The following GLCCI1 variants were observed in gnomAD, a reference collection of about 807,000 sequenced individuals.
GLCCI1 encodes the protein glucocorticoid-induced transcript 1 protein.
GLCCI1 carries 24 observed loss-of-function variants against 52.2 expected under a neutral mutation model. That is an observed-to-expected ratio of 0.46 (90% CI 0.33 to 0.65). The LOEUF (loss-of-function observed/expected upper bound fraction) is 0.65, where lower values mean the gene tolerates loss of function less well. Among genes scored for constraint, GLCCI1 ranks in the 30% least tolerant of loss-of-function variants. The pLI is 0.02. For synonymous variants in GLCCI1, 310 were observed against 276.5 expected, an observed-to-expected ratio of 1.12 and a Z score of -1.20; for missense variants, 704 against 701.5, an observed-to-expected ratio of 1.00 and a Z score of -0.04.
intron 1 of GLCCI1, 132 bp from the exon 2 acceptor site, chr7:8,003,776 A>G (rs372996776): frequency 1.5e-6 from 1 of 685,430 alleles, no homozygotes; most frequent in East Asian, 2.7e-5. Flanking sequence ...TGATCATACA[A>G]CAGGGCTATT....
intron 1 of GLCCI1, among the ~76,000 whole-genome samples, chr7:7,977,995 A>G (rs1780530236): frequency 6.6e-6 from 1 of 152,206 alleles, no homozygotes. Context: ...CAGTTAAGTC[A>G]TAGAAAGGCT....
At chr7:8,030,569 AG>A (rs1293251872) in intron 3 of GLCCI1, among the ~76,000 whole-genome samples, 1 of 152,184 alleles carries the variant, frequency 6.6e-6, no homozygotes, top group East Asian at 1.9e-4. Context: ...GCTTCTGCAC[AG>A]CAAACAATCA....
rs369571259 is a variant in GLCCI1 at position 8,078,062 on chromosome 7, G to A, written c.1178-6835G>A. On this transcript the variant is annotated intron_variant, in intron 6 of 7. Transcript: ENST00000223145. ...ATCCTGGCTAACACGGTGAAACCCC[G>A]TCTCTACTAAAAATACAAAAAATGA... 6.5e-3 allele frequency among the ~76,000 whole-genome samples: 980 copies of A among 151,910 alleles called. 8 individuals are homozygous for A. The highest frequency in any genetic ancestry group is 9.2e-3 in the Non-Finnish European group (623 of 67,932).
At chr7:8,046,122 T>A (rs1338531659) in intron 3 of GLCCI1, among the ~76,000 whole-genome samples, 1 of 152,124 alleles carries the variant, frequency 6.6e-6, no homozygotes, top group African/African-American at 2.4e-5. Context: ...TGGATTAAAG[T>A]CAAGTTGGCA....
chr7:7,973,413 C>CGCGTGT (rs1554257315), intron 1 of GLCCI1, among the ~76,000 whole-genome samples: 1 of 147,590 alleles, frequency 6.8e-6, no homozygotes, highest in East Asian at 2.0e-4. Context: ...TCTTTGTGTG[C>CGCGTGT]GTGTGTGTGT....
At position 7,969,614 on chromosome 7, in the gene GLCCI1, C is replaced by T; in HGVS notation, c.264C>T (p.Ala88=). ...CCACGCGTCCGCCCGTCGCCGCTGCCGCCGCCTCGCTGGGCAGCCTCCCGG... is the reference window on the plus strand; with the variant it reads ...CCACGCGTCCGCCCGTCGCCGCTGCTGCCGCCTCGCTGGGCAGCCTCCCGG... ...HSPTRPPVAA[A]AASLGSLPGP... is the part of the protein sequence containing the mutation. Residue 88 remains alanine (A), a synonymous_variant, in exon 1 of 8, where the codon GCC becomes GCT. Coordinates refer to ENST00000223145, the MANE Select transcript of GLCCI1 (RefSeq NM_138426.4). This position sits in a 1 kb window ranked among gnomAD's most constrained non-coding sequence, Gnocchi z 4.9. The T allele has an allele frequency of 2.9e-6, 3 of 1,028,354 alleles. No homozygotes were observed. Among genetic ancestry groups the T allele is most frequent in the Non-Finnish European group, 3.5e-6 (3 of 859,942 alleles). 63.7% of individuals were successfully genotyped at this position (1,028,354 alleles called of 1,614,324 possible). A position where few individuals can be genotyped will look rare whatever the true frequency, so the allele number is the denominator to read the frequency against.
intron 3 of GLCCI1, among the ~76,000 whole-genome samples, chr7:8,035,253 G>A (rs1017486349): frequency 6.6e-6 from 1 of 152,218 alleles, no homozygotes; most frequent in Non-Finnish European, 1.5e-5. Context: ...ACTTGGCTGA[G>A]AGTGACTGCT....
intron 2 of GLCCI1, among the ~76,000 whole-genome samples, chr7:8,004,650 A>G (rs549373716): frequency 6.6e-6 from 1 of 152,218 alleles, no homozygotes; most frequent in African/African-American, 2.4e-5. Context: ...ACAGTAGTCA[A>G]TCAGCATTTA....
intron 6 of GLCCI1, among the ~76,000 whole-genome samples, chr7:8,084,020 G>T (rs1990368): frequency 0.28 from 42,058 of 152,106 alleles, 6,443 homozygotes; most frequent in East Asian, 0.42. Flanking sequence ...TATTTTAGCA[G>T]TGGGGATAGG....
chr7:8,052,657 G>A (rs905656302), intron 3 of GLCCI1, among the ~76,000 whole-genome samples: 4 of 152,212 alleles, frequency 2.6e-5, no homozygotes, highest in Non-Finnish European at 5.9e-5. Flanking sequence ...CCTAACATTA[G>A]AAATAAGAAT....
chr7:8,086,406 G>T lies in GLCCI1; in HGVS notation c.1512G>T (p.Thr504=). The change falls in exon 8 of 8, where the codon ACG becomes ACT. Residue 504 remains threonine (T), a synonymous_variant. Transcript: ENST00000223145. This position sits in a 1 kb window ranked among gnomAD's most constrained non-coding sequence, Gnocchi z 4.4. The part of the protein sequence containing the change: ...VEQLSSRVSF[T]SLSDDTSTAG... ...AGCTCTCATCCCGGGTTTCCTTTACGTCTCTTTCTGATGACACCAGCACAG... is the reference window on the plus strand; with the variant it reads ...AGCTCTCATCCCGGGTTTCCTTTACTTCTCTTTCTGATGACACCAGCACAG... 6.2e-7 allele frequency: 1 copy of T among 1,613,974 alleles called. No homozygotes were observed. The highest frequency in any genetic ancestry group is 8.5e-7 in the Non-Finnish European group (1 of 1,180,014).
In GLCCI1 at chr7:8,086,216, C is replaced by T. The variant is rs1207503974; in HGVS notation, c.1322C>T (p.Pro441Leu). The part of the protein sequence containing the change: ...EMASRQPISA[P>L]LFSCPDKNKV... ...AGGTCTCGTCAGCCTATCTCGGCCC[C>T]TCTCTTTTCATGTCCTGACAAAAAC... The change falls in exon 8 of 8, where the codon CCT (proline) becomes CTT (leucine). Residue 441 changes from proline (P) to leucine (L), a missense_variant. By Grantham distance (98) the Pro-to-Leu change is moderately conservative (BLOSUM62 -3). Around this residue, in one of 3 missense-constraint regions of GLCCI1, gnomAD observed 149 missense variants for 152.9 expected, o/e 0.97. Transcript: ENST00000223145. This position sits in a 1 kb window ranked among gnomAD's most constrained non-coding sequence, Gnocchi z 4.4. 24 of 1,613,778 alleles carry T rather than the reference C, an allele frequency of 1.5e-5. No individual in the cohort carries two copies. The highest frequency in any genetic ancestry group is 1.9e-5 in the Non-Finnish European group (22 of 1,179,918).
At position 8,003,964 on chromosome 7, in the gene GLCCI1, T is replaced by A. The variant is rs1357380731; in HGVS notation, c.514T>A (p.Ser172Thr). 3.1e-6 allele frequency: 5 copies of A among 1,613,874 alleles called. No homozygotes were observed. Among genetic ancestry groups the A allele is most frequent in the Non-Finnish European group, 3.4e-6 (4 of 1,179,830 alleles). Residue 172 changes from serine (S) to threonine (T), a missense_variant, in exon 2 of 8, where the codon TCT (serine) becomes ACT (threonine). Physicochemically the swap from Ser to Thr is moderately conservative, Grantham distance 58. Transcript: ENST00000223145. ...CTCTAGTACAATAAGGCGAACCTCC[T>A]CTTTGGATACAATAACAGGACCTTA... Reference protein sequence around the residue: ...RTSSTIRRTSSLDTITGPYLT... With the variant: ...RTSSTIRRTSTLDTITGPYLT...
chr7:7,991,698 C>T (rs898480021), intron 1 of GLCCI1, among the ~76,000 whole-genome samples: 2 of 152,072 alleles, frequency 1.3e-5, no homozygotes, highest in Admixed American at 6.6e-5. Flanking sequence ...TTCCTCAAGG[C>T]TTCTATCTTT....
rs770622954 is a variant in GLCCI1 at position 7,980,585 on chromosome 7, C to CT, written c.457+10779dup. On this transcript the variant is annotated intron_variant, in intron 1 of 7. Transcript: ENST00000223145. ...ACAGGGACTGGTCATGGAGGAGAGTCTATTTTTGGCCTAGGATTGTATGGT... is the reference window on the plus strand; with the variant it reads ...ACAGGGACTGGTCATGGAGGAGAGTCTTATTTTTGGCCTAGGATTGTATGGT... 584 of 634,568 alleles carry CT rather than the reference C, an allele frequency of 9.2e-4. 4 individuals are homozygous for CT. The Middle Eastern group carries it at 0.013, about 14-fold the overall frequency. 39.3% of individuals were successfully genotyped at this position (634,568 alleles called of 1,614,324 possible).
intron 6 of GLCCI1, among the ~76,000 whole-genome samples, chr7:8,073,680 C>T (rs975131095): frequency 3.9e-5 from 6 of 152,104 alleles, no homozygotes; most frequent in African/African-American, 1.4e-4. Flanking sequence ...TGGCACATGG[C>T]AAACAATTAG....
Position 8,086,388 on chromosome 7 carries a change from ATCCCGGGTT to A in GLCCI1, c.1498_1506del (p.Arg500_Ser502del). 6.2e-7 allele frequency: 1 copy of A among 1,614,016 alleles called. No homozygotes were observed. The highest frequency in any genetic ancestry group is 2.2e-5 in the East Asian group (1 of 44,864). On this transcript the variant is annotated inframe_deletion, in exon 8 of 8. Transcript: ENST00000223145. This position sits in a 1 kb window ranked among gnomAD's most constrained non-coding sequence, Gnocchi z 4.4. Reference sequence around the variant, plus strand: ...CAACTCTGACCGTTGAGCAGCTCTCATCCCGGGTTTCCTTTACGTCTCTTTCTGATGACA... The same window carrying A: ...CAACTCTGACCGTTGAGCAGCTCTCATCCTTTACGTCTCTTTCTGATGACA...
chr7:7,993,087 A>G (rs1165947728), intron 1 of GLCCI1, among the ~76,000 whole-genome samples: 9 of 152,142 alleles, frequency 5.9e-5, no homozygotes, highest in Admixed American at 5.9e-4. Flanking sequence ...TGCTTTCATT[A>G]TTCATAGGGA....
chr7:8,085,019 T>A lies in GLCCI1; in HGVS notation c.1298+2T>A, dbSNP rs773410226. ...AGTGAAGGTCTTTGAGGAAATGGCG[T>A]AAGTAATGTCTTTTTTGTCAGCTGG... On this transcript the variant is annotated splice_donor_variant, in intron 7 of 7. Transcript: ENST00000223145. LOFTEE classifies it high-confidence loss of function. 4.3e-6 allele frequency: 7 copies of A among 1,613,760 alleles called. No homozygotes were observed. The highest frequency in any genetic ancestry group is 5.9e-6 in the Non-Finnish European group (7 of 1,179,900).
Sources: gnomAD v4.1 joint callset for allele counts (sites outside exome capture counted in the v4.1 genomes callset) on GRCh38, gnomAD v4.1.1 for gene constraint, gnomAD v4.1.1 regional missense constraint, Gnocchi (gnomAD v3.1) non-coding constraint, MANE v1.5 for transcripts, NCBI Gene and HGNC (gene_info 2026-07-23, HGNC 2026-07-21) for gene names.